The following VPS13B variants were observed in gnomAD, a reference collection of about 807,000 sequenced individuals.
VPS13B encodes the protein intermembrane lipid transfer protein VPS13B.
In VPS13B, 285 loss-of-function variants were observed where a neutral mutation model predicts 426.4. The ratio of observed to expected loss-of-function variants is 0.67; its 90% CI spans 0.61 to 0.74. The LOEUF is 0.74. Among genes scored for constraint, VPS13B ranks in the 30% least tolerant of loss-of-function variants. The pLI, the probability that VPS13B is intolerant of heterozygous loss-of-function variation, is 0.00. For synonymous variants in VPS13B, 1,676 were observed against 1,676.4 expected (o/e 1.00, Z 0.01); for missense variants, 4,537 against 4,782.6 (o/e 0.95, Z 1.51).
chr8:99,526,145 A>C (rs1588463274), intron 30 of VPS13B, among the ~76,000 whole-genome samples: 1 of 152,306 alleles, frequency 6.6e-6, no homozygotes, highest in East Asian at 1.9e-4. Context: ...CTAGAGATAT[A>C]CATTTAAAAA....
At chr8:99,500,017 G>A (rs1821141184) in intron 25 of VPS13B, among the ~76,000 whole-genome samples, 1 of 152,128 alleles carries the variant, frequency 6.6e-6, no homozygotes, top group Non-Finnish European at 1.5e-5. Context: ...ATATACCTGT[G>A]TTTAGATGGC....
intron 17 of VPS13B, chr8:99,233,829 C>T (rs552212796): frequency 5.1e-6 from 4 of 778,672 alleles, no homozygotes; most frequent in South Asian, 1.3e-5. Context: ...GGAATCTCTT[C>T]GGCTAGTTTG....
At chr8:99,086,184 C>T (rs1482591470) in intron 3 of VPS13B, among the ~76,000 whole-genome samples, 1 of 152,118 alleles carries the variant, frequency 6.6e-6, no homozygotes, top group African/African-American at 2.4e-5. Flanking sequence ...CTCTAAACTT[C>T]TCTTCTGGCT....
At chr8:99,636,412 C>T (rs1282495157) in intron 33 of VPS13B, among the ~76,000 whole-genome samples, 3 of 151,788 alleles carry the variant, frequency 2.0e-5, no homozygotes, top group African/African-American at 7.2e-5. Context: ...ACTAAATTCC[C>T]TTTTGTTTTA....
chr8:99,157,706 T>A (rs1811434620), intron 15 of VPS13B, among the ~76,000 whole-genome samples: 1 of 152,184 alleles, frequency 6.6e-6, no homozygotes, highest in Non-Finnish European at 1.5e-5. Context: ...GTAATTAACC[T>A]TAATGAAGAA....
At chr8:99,655,638 C>T (rs1829994870) in intron 34 of VPS13B, among the ~76,000 whole-genome samples, 1 of 152,176 alleles carries the variant, frequency 6.6e-6, no homozygotes, top group South Asian at 2.1e-4. Context: ...TGTCTCCATC[C>T]TTCCCATCCT....
intron 18 of VPS13B, 144 bp downstream of exon 18, chr8:99,274,476 A>G (rs981348193): frequency 2.2e-6 from 3 of 1,342,396 alleles, no homozygotes; most frequent in Admixed American, 2.0e-5. Context: ...AAATTTTTCT[A>G]ATTGTGCCAG....
intron 33 of VPS13B, among the ~76,000 whole-genome samples, chr8:99,587,917 A>C (rs1826391798): frequency 6.6e-6 from 1 of 151,766 alleles, no homozygotes; most frequent in South Asian, 2.1e-4. Context: ...CCTGAATGGT[A>C]ATGCCTAGGT....
At chr8:99,057,073 C>T (rs749673754) in intron 3 of VPS13B, among the ~76,000 whole-genome samples, 4 of 148,720 alleles carry the variant, frequency 2.7e-5, no homozygotes, top group African/African-American at 7.4e-5. Context: ...GATCTTGTGT[C>T]CTGTGACCTT....
intron 54 of VPS13B, among the ~76,000 whole-genome samples, chr8:99,839,806 T>C (rs1243481015): frequency 6.6e-6 from 1 of 152,238 alleles, no homozygotes; most frequent in Admixed American, 6.5e-5. Flanking sequence ...CCCAGTGTAA[T>C]AGTCATTACT....
intron 58 of VPS13B, among the ~76,000 whole-genome samples, chr8:99,863,511 T>C (rs558336626): frequency 5.9e-5 from 9 of 152,270 alleles, no homozygotes; most frequent in Admixed American, 1.3e-4. Flanking sequence ...ACCCCTGGGC[T>C]GGCTGGTGTG....
At chr8:99,367,897 A>T (rs1465345797) in intron 19 of VPS13B, among the ~76,000 whole-genome samples, 1 of 151,940 alleles carries the variant, frequency 6.6e-6, no homozygotes, top group East Asian at 1.9e-4. Flanking sequence ...CAGGTGATAC[A>T]CCCACCTTGG....
chr8:99,767,587 A>G (rs1328567853), intron 40 of VPS13B, among the ~76,000 whole-genome samples: 1 of 150,302 alleles, frequency 6.7e-6, no homozygotes, highest in African/African-American at 2.4e-5. Flanking sequence ...AATGGATTTT[A>G]TACAGATAAA....
At chr8:99,509,748 G>A (rs1212177316) in intron 28 of VPS13B, among the ~76,000 whole-genome samples, 3 of 152,082 alleles carry the variant, frequency 2.0e-5, no homozygotes, top group African/African-American at 7.2e-5. Context: ...TCAGGTGTTG[G>A]AAAGAGGGGC....
At chr8:99,577,378 T>G in intron 32 of VPS13B, 112 bp from the exon 33 acceptor site, 1 of 1,451,852 alleles carries the variant, frequency 6.9e-7, no homozygotes. Context: ...TGTATGAACT[T>G]GAGTCCTAGG....
rs368851580 is a variant in VPS13B, at chr8:99,642,197, G to T, written c.5607G>T (p.Thr1869=). The stretch of plus-strand genomic sequence containing the variant: ...AGCCCAACCAGGCATGTATTTCCAC[G>T]GTGACAGCAGAAGATCTCTTAAGGA... ...VAKPNQACIS[T]VTAEDLLRSS... The change falls in exon 34 of 62, where the codon ACG becomes ACT. Residue 1869 remains threonine, a synonymous_variant. Coordinates refer to ENST00000357162, the MANE Select transcript of VPS13B (RefSeq NM_152564.5). 1 of 1,613,974 alleles carries T rather than the reference G, an allele frequency of 6.2e-7. No homozygotes were observed. The highest frequency in any genetic ancestry group is 8.5e-7 in the Non-Finnish European group (1 of 1,180,002).
intron 33 of VPS13B, among the ~76,000 whole-genome samples, chr8:99,585,700 T>C (rs1826270727): frequency 6.6e-6 from 1 of 152,160 alleles, no homozygotes; most frequent in Non-Finnish European, 1.5e-5. Flanking sequence ...ATCACAGTTA[T>C]GAAAAACTCA....
At chr8:99,082,445 G>A (rs1179310372) in intron 3 of VPS13B, among the ~76,000 whole-genome samples, 1 of 152,144 alleles carries the variant, frequency 6.6e-6, no homozygotes, top group Non-Finnish European at 1.5e-5. Flanking sequence ...TTCTTTTGCT[G>A]TGCAGAAGCT....
At chr8:99,832,711 T>C in intron 52 of VPS13B, 59 bp downstream of exon 52, 1 of 1,568,284 alleles carries the variant, frequency 6.4e-7, no homozygotes, top group Admixed American at 1.7e-5. Context: ...GCTGTTCATC[T>C]AGATGCCAAG....
Sources: allele counts gnomAD v4.1 joint callset (sites outside exome capture counted in the v4.1 genomes callset), GRCh38; gene constraint gnomAD v4.1.1; transcripts MANE v1.5; gene names NCBI Gene and HGNC (gene_info 2026-07-23, HGNC 2026-07-21).